MREG: variants seen among roughly 807,000 people sequenced by gnomAD.
The protein encoded by MREG is dilute suppressor protein homolog.
MREG carries 31 observed loss-of-function variants against 28.5 expected under a neutral mutation model. The observed-to-expected ratio is 1.09, with a 90% CI of 0.82 to 1.47. The LOEUF is 1.47. Ranked by LOEUF, MREG falls within the 40% of genes most tolerant of loss-of-function variation. The pLI is 0.00. For missense variants in MREG, 256 were observed against 257.4 expected, an observed-to-expected ratio of 0.99 and a Z score of 0.04; for synonymous variants, 106 against 95.2, an observed-to-expected ratio of 1.11 and a Z score of -0.66.
chr2:216,026,291 C>T (rs1298276648), intron 1 of MREG, among the ~76,000 whole-genome samples: 1 of 152,198 alleles, frequency 6.6e-6, no homozygotes. Context: ...GATGATTACA[C>T]AACATTGTGA....
chr2:216,003,979 A>G (rs57564915), intron 1 of MREG, among the ~76,000 whole-genome samples: 17,360 of 152,210 alleles, frequency 0.11, 2,796 homozygotes, highest in African/African-American at 0.36. Context: ...TCAGCTCAAA[A>G]CCTGCCAGTG....
intron 1 of MREG, among the ~76,000 whole-genome samples, chr2:216,025,180 T>C (rs1039794798): frequency 6.6e-6 from 1 of 152,172 alleles, no homozygotes; most frequent in African/African-American, 2.4e-5. Flanking sequence ...AATGGTTTTG[T>C]AGTAATGCAA....
intron 1 of MREG, among the ~76,000 whole-genome samples, chr2:216,006,099 T>C (rs1433777789): frequency 1.3e-5 from 2 of 152,216 alleles, no homozygotes; most frequent in Non-Finnish European, 1.5e-5. Context: ...GGTGTAGTGA[T>C]AAAATCACTT....
chr2:215,957,865 A>C lies in MREG; in HGVS notation c.256-10752T>G, dbSNP rs144536056. ...AGACTTGGAACCAACCCAAATGTCC[A>C]ACAATGATAGACTGGATTAAGAAAA... On this transcript the variant is annotated intron_variant, in intron 2 of 4. Coordinates refer to ENST00000263268, the MANE Select transcript of MREG (RefSeq NM_018000.3). 2.4e-3 allele frequency among the ~76,000 whole-genome samples: 367 copies of C among 152,296 alleles called. 1 individual carries two copies. The highest frequency in any genetic ancestry group is 7.9e-3 in the African/African-American group (328 of 41,562).
In MREG at chr2:215,996,332, G is replaced by A. The variant is rs141433096; in HGVS notation, c.229C>T (p.Arg77Cys). 2.4e-5 allele frequency: 39 copies of A among 1,613,812 alleles called. No homozygotes were observed. Among genetic ancestry groups the A allele is most frequent in the East Asian group, 4.5e-5 (2 of 44,866 alleles). Residue 77 changes from arginine (R) to cysteine (C), a missense_variant, in exon 2 of 5, where the codon CGT becomes TGT. Coordinates refer to ENST00000263268, the MANE Select transcript of MREG (RefSeq NM_018000.3). ...TCTGAGTCTTTGGCCTGCTGATTAC[G>A]AATGACTATCAAATTGTACAGGGTT... ...DRTLYNLIVI[R>C]NQQAKDSEEW...
intron 2 of MREG, among the ~76,000 whole-genome samples, chr2:215,973,263 C>T (rs1415585913): frequency 6.6e-6 from 1 of 152,230 alleles, no homozygotes; most frequent in Non-Finnish European, 1.5e-5. Context: ...CTCCAAACTT[C>T]TGCCTGGACA....
intron 2 of MREG, among the ~76,000 whole-genome samples, chr2:215,959,036 C>T (rs1240921824): frequency 1.3e-5 from 2 of 152,092 alleles, no homozygotes; most frequent in Non-Finnish European, 2.9e-5. Context: ...GCCTCTAAAG[C>T]ACATCCTCCA....
At chr2:216,022,313 AT>A (rs1312550552) in intron 1 of MREG, among the ~76,000 whole-genome samples, 5 of 152,080 alleles carry the variant, frequency 3.3e-5, no homozygotes, top group African/African-American at 1.2e-4. Context: ...AAAATAGAAA[AT>A]TATGGAACTC....
chr2:215,962,432 T>C (rs1011002625), intron 2 of MREG, among the ~76,000 whole-genome samples: 5 of 152,222 alleles, frequency 3.3e-5, no homozygotes, highest in Non-Finnish European at 7.3e-5. Flanking sequence ...CCATGTGATA[T>C]TGTTATTCCT....
intron 1 of MREG, among the ~76,000 whole-genome samples, chr2:216,010,173 C>T (rs1192598875): frequency 6.6e-6 from 1 of 151,952 alleles, no homozygotes; most frequent in Non-Finnish European, 1.5e-5. Context: ...AGAGACACAT[C>T]AAAGATGAAG....
At chr2:216,019,566 G>A (rs537294651) in intron 1 of MREG, among the ~76,000 whole-genome samples, 4 of 150,560 alleles carry the variant, frequency 2.7e-5, no homozygotes, top group East Asian at 2.0e-4. Flanking sequence ...GTGCAGTGAC[G>A]CAATCTCGGC....
At chr2:215,953,156 A>G (rs970828165) in intron 2 of MREG, among the ~76,000 whole-genome samples, 2 of 152,250 alleles carry the variant, frequency 1.3e-5, no homozygotes, top group Admixed American at 6.5e-5. Flanking sequence ...GGGGCAGCTA[A>G]TATGTTTGCC....
In MREG at chr2:215,994,611, G is replaced by A. The variant is rs111805259; in HGVS notation, c.255+1695C>T. Among the ~76,000 whole-genome samples the A allele has an allele frequency of 1.5e-3, 67 of 43,556 alleles. 1 individual carries two copies. Among genetic ancestry groups the A allele is most frequent in the Non-Finnish European group, 2.8e-3 (31 of 11,146 alleles). The allele number at this position is 43,556 out of a possible 152,430, so 28.6% of individuals were successfully genotyped here. A position where few individuals can be genotyped will look rare whatever the true frequency, so the allele number is the denominator to read the frequency against. ...AGGGGAAGAAGAAGGAGAAGAAGAG[G>A]AAGAAGAAGAGAAGAAGGAGGGGGA... On this transcript the variant is annotated intron_variant, in intron 2 of 4. Coordinates refer to ENST00000263268, the MANE Select transcript of MREG (RefSeq NM_018000.3).
At chr2:216,031,665 AAG>A (rs1218609784) in intron 1 of MREG, among the ~76,000 whole-genome samples, 3,472 of 84,876 alleles carry the variant, frequency 0.041, 156 homozygotes, top group African/African-American at 0.14. Flanking sequence ...GAAAGAAAGA[AAG>A]AAAGAAAGAA....
chr2:216,001,623 A>C (rs1694015062), intron 1 of MREG, among the ~76,000 whole-genome samples: 1 of 152,234 alleles, frequency 6.6e-6, no homozygotes, highest in South Asian at 2.1e-4. Context: ...GCCACTGTTA[A>C]ATAAATAAAC....
chr2:215,945,724 C>G lies in MREG; in HGVS notation c.357G>C (p.Lys119Asn). 3 of 1,612,826 alleles carry G rather than the reference C, an allele frequency of 1.9e-6. No individual in the cohort carries two copies. Among genetic ancestry groups the G allele is most frequent in the Non-Finnish European group, 2.5e-6 (3 of 1,179,500 alleles). ...KCILEDLGFQ[K>N]EADSLLSVTK... ...TCACTGACAACAAAGAGTCAGCTTC[C>G]TTTTGAAAACCTAAGGTAGAAAAAT... is the stretch of plus-strand genomic sequence containing the variant. The change falls in exon 4 of 5, where the codon AAG becomes AAC. Residue 119 changes from lysine (K) to asparagine (N), a missense_variant. Physicochemically the swap from Lys to Asn is moderately conservative, Grantham distance 94 (BLOSUM62 0). Transcript: ENST00000263268.
At chr2:216,031,550 A>AGAGG (rs1371976375) in intron 1 of MREG, among the ~76,000 whole-genome samples, 1 of 148,416 alleles carries the variant, frequency 6.7e-6, no homozygotes, top group Non-Finnish European at 1.5e-5. Flanking sequence ...AAGGAAGGAA[A>AGAGG]GAGGGAGGGA....
intron 2 of MREG, among the ~76,000 whole-genome samples, chr2:215,979,586 AG>A (rs1174042069): frequency 2.0e-5 from 3 of 151,922 alleles, no homozygotes; most frequent in Non-Finnish European, 4.4e-5. Context: ...TCCACTTTAT[AG>A]TAAACAGCAT....
intron 1 of MREG, among the ~76,000 whole-genome samples, chr2:216,027,344 G>C (rs10199106): frequency 6.6e-6 from 1 of 152,208 alleles, no homozygotes; most frequent in Non-Finnish European, 1.5e-5. Flanking sequence ...TTACCCAGTA[G>C]AGTTCGAAGC....
Sources: gnomAD v4.1 joint callset for allele counts (sites outside exome capture counted in the v4.1 genomes callset) on GRCh38, gnomAD v4.1.1 for gene constraint, MANE v1.5 for transcripts, NCBI Gene and HGNC (gene_info 2026-07-23, HGNC 2026-07-21) for gene names.